Variants in POR observed in about 807,000 individuals in gnomAD.
POR encodes the protein NADPH--cytochrome P450 reductase.
A neutral mutation model predicts 84.0 loss-of-function variants in POR; 56 were observed. The observed-to-expected ratio is 0.67, with a 90% CI of 0.54 to 0.83. POR has a LOEUF of 0.83. Among genes scored for constraint, POR ranks in the 40% least tolerant of loss-of-function variants. The pLI is 0.00. For synonymous variants in POR, 414 were observed against 400.5 expected, an observed-to-expected ratio of 1.03 and a Z score of -0.40; for missense variants, 938 against 944.3, an observed-to-expected ratio of 0.99 and a Z score of 0.09.
chr7:75,963,816 A>T (rs1185029749), intron 2 of POR, among the ~76,000 whole-genome samples: 1 of 152,046 alleles, frequency 6.6e-6, no homozygotes, highest in Non-Finnish European at 1.5e-5. Context: ...GGGGGGTCAG[A>T]GGTCATAAAA....
intron 5 of POR, 62 bp downstream of exon 5, chr7:75,980,550 A>G: frequency 6.2e-7 from 1 of 1,612,258 alleles, no homozygotes; most frequent in African/African-American, 1.3e-5. Flanking sequence ...TGGGGACTCC[A>G]GATCCATGTA....
intron 1 of POR, among the ~76,000 whole-genome samples, chr7:75,932,425 G>T (rs551804612): frequency 6.6e-6 from 1 of 152,124 alleles, no homozygotes; most frequent in East Asian, 1.9e-4. Context: ...TAAGCAATCT[G>T]CCTGCCTCGG....
At chr7:75,938,788 C>T (rs1262495522) in intron 1 of POR, among the ~76,000 whole-genome samples, 1 of 152,174 alleles carries the variant, frequency 6.6e-6, no homozygotes, top group Non-Finnish European at 1.5e-5. Context: ...TATTCGCCAT[C>T]TATGCATCCC....
chr7:75,979,068 A>G (rs782574978), intron 3 of POR, among the ~76,000 whole-genome samples: 3 of 152,234 alleles, frequency 2.0e-5, no homozygotes, highest in Non-Finnish European at 4.4e-5. Context: ...AAGTGCTGGG[A>G]TCACAGGTGT....
At chr7:75,937,874 T>C (rs912038279) in intron 1 of POR, among the ~76,000 whole-genome samples, 12 of 152,160 alleles carry the variant, frequency 7.9e-5, no homozygotes, top group Non-Finnish European at 1.5e-4. Context: ...TAAATCACCT[T>C]GTGCCACCTT....
At position 75,926,146 on chromosome 7, in the gene POR, C is replaced by G. The variant is rs555440452; in HGVS notation, c.-5+10967C>G. On this transcript the variant is annotated intron_variant, in intron 1 of 15. Transcript: ENST00000461988. ...AAGTAGCTGGGACTACAGGCACACACCACCATGCTTGGCGAGTTTTTCTTT... is the reference window on the plus strand; with the variant it reads ...AAGTAGCTGGGACTACAGGCACACAGCACCATGCTTGGCGAGTTTTTCTTT... Among the ~76,000 whole-genome samples the G allele has an allele frequency of 1.8e-3, 273 of 150,974 alleles. 1 individual carries two copies. The highest frequency in any genetic ancestry group is 3.4e-3 in the Non-Finnish European group (229 of 67,894).
chr7:75,920,946 T>G (rs1452726593), intron 1 of POR, among the ~76,000 whole-genome samples: 2 of 152,166 alleles, frequency 1.3e-5, no homozygotes, highest in Admixed American at 1.3e-4. Context: ...TGTGGTCTTG[T>G]GGAGAAAAGC....
intron 1 of POR, among the ~76,000 whole-genome samples, chr7:75,923,899 A>G (rs190849552): frequency 1.1e-4 from 17 of 152,114 alleles, no homozygotes; most frequent in African/African-American, 3.1e-4. Context: ...AAAAAAAAAA[A>G]AAAAGAAAAG....
chr7:75,985,704 C>CCGTGCGCTGGTGCCCATGTT lies in POR; in HGVS notation c.1532_1551dup (p.Lys518TrpfsTer34), dbSNP rs1789402781. 2.5e-6 allele frequency: 4 copies of CCGTGCGCTGGTGCCCATGTT among 1,587,800 alleles called. No homozygotes were observed. Among genetic ancestry groups the CCGTGCGCTGGTGCCCATGTT allele is most frequent in the Admixed American group, 1.8e-5 (1 of 56,182 alleles). On this transcript the variant is annotated frameshift_variant, in exon 13 of 16. Coordinates refer to ENST00000461988, the MANE Select transcript of POR (RefSeq NM_000941.3). LOFTEE classifies it high-confidence loss of function. ...AGGAGCCTGCCGGGGAGAACGGCGG[C>CCGTGCGCTGGTGCCCATGTT]CGTGCGCTGGTGCCCATGTTCGTGC...
At position 75,956,036 on chromosome 7, in the gene POR, G is replaced by A. The variant is rs888189784; in HGVS notation, c.188+1856G>A. Among the ~76,000 whole-genome samples the A allele has an allele frequency of 3.9e-5, 6 of 152,126 alleles. No homozygotes were observed. The South Asian group carries it at 6.2e-4, about 16-fold the overall frequency. On this transcript the variant is annotated intron_variant, in intron 2 of 15. Transcript: ENST00000461988. ...TTCAGGGCCAGGCACAGCGGCTCAC[G>A]TCTGTAATTCCACCACTTTGGGAGG... is the stretch of plus-strand genomic sequence containing the variant.
chr7:75,920,362 T>G (rs1031588206), intron 1 of POR, among the ~76,000 whole-genome samples: 1 of 152,114 alleles, frequency 6.6e-6, no homozygotes, highest in Admixed American at 6.6e-5. Context: ...TGAGCCACCA[T>G]GTCCAGCTTA....
At chr7:75,980,029 AG>A (rs782299017) in intron 4 of POR, among the ~76,000 whole-genome samples, 1 of 152,154 alleles carries the variant, frequency 6.6e-6, no homozygotes, top group Non-Finnish European at 1.5e-5. Context: ...TGAGGTTCCC[AG>A]GGTGGCCCCA....
chr7:75,949,056 T>C (rs1367418399), intron 1 of POR, among the ~76,000 whole-genome samples: 2 of 152,052 alleles, frequency 1.3e-5, no homozygotes, highest in African/African-American at 2.4e-5. Context: ...AAGGGGAGCG[T>C]AGTAAGAAAT....
At chr7:75,946,092 G>A (rs972197663) in intron 1 of POR, among the ~76,000 whole-genome samples, 1 of 152,110 alleles carries the variant, frequency 6.6e-6, no homozygotes, top group African/African-American at 2.4e-5. Context: ...TGCTACCTTG[G>A]TGGGAACCAG....
intron 3 of POR, among the ~76,000 whole-genome samples, chr7:75,978,483 A>G (rs1446942262): frequency 6.6e-6 from 1 of 152,162 alleles, no homozygotes; most frequent in Non-Finnish European, 1.5e-5. Context: ...CACAAATACC[A>G]CATCATTTTA....
At chr7:75,917,435 A>G (rs1554548199) in intron 1 of POR, among the ~76,000 whole-genome samples, 1 of 125,816 alleles carries the variant, frequency 7.9e-6, no homozygotes, top group Non-Finnish European at 1.6e-5. Context: ...AGGACCTTTC[A>G]TGGTTCCAGA....
chr7:75,960,692 G>A (rs1458516668), intron 2 of POR, among the ~76,000 whole-genome samples: 4 of 152,094 alleles, frequency 2.6e-5, no homozygotes, highest in African/African-American at 4.8e-5. Flanking sequence ...ACCGCATGGC[G>A]TGCCCTCTTG....
intron 2 of POR, among the ~76,000 whole-genome samples, chr7:75,954,590 A>G (rs971328239): frequency 4.6e-5 from 7 of 151,922 alleles, no homozygotes; most frequent in East Asian, 1.9e-4. Flanking sequence ...CTGGAGTGCA[A>G]TGGCGGTGGC....
In POR at chr7:75,936,293, A is replaced by AG. The variant is rs201913836; in HGVS notation, c.-4-17691dup. ...TAATTTTTTTTTTTTTTTGAGATGG[A>AG]GGGGGTGGTCTCACTTTGTTGCCCA... On this transcript the variant is annotated intron_variant, in intron 1 of 15. Coordinates refer to ENST00000461988, the MANE Select transcript of POR (RefSeq NM_000941.3). Among the ~76,000 whole-genome samples the AG allele has an allele frequency of 5.5e-3, 781 of 142,252 alleles. 15 individuals are homozygous for AG. In the East Asian group the frequency reaches 0.067, roughly 12 times the overall value. 93.3% of individuals were successfully genotyped at this position (142,252 alleles called of 152,430 possible). A position where few individuals can be genotyped will look rare whatever the true frequency, so the allele number is the denominator to read the frequency against.
Sources: gnomAD v4.1 joint callset for allele counts (sites outside exome capture counted in the v4.1 genomes callset) on GRCh38, gnomAD v4.1.1 for gene constraint, MANE v1.5 for transcripts, NCBI Gene and HGNC (gene_info 2026-07-23, HGNC 2026-07-21) for gene names.